RTN4RL1: variants seen among roughly 807,000 people sequenced by gnomAD.
RTN4RL1 encodes reticulon-4 receptor-like 1.
In RTN4RL1, 7 loss-of-function variants were observed where a neutral mutation model predicts 25.6. The observed-to-expected ratio is 0.27, with a 90% CI of 0.16 to 0.51. The LOEUF (loss-of-function observed/expected upper bound fraction) is 0.51. Among genes scored for constraint, RTN4RL1 ranks in the 20% least tolerant of loss-of-function variants. The pLI is 0.97. For synonymous variants in RTN4RL1, 297 were observed against 288.2 expected, an observed-to-expected ratio of 1.03 and a Z score of -0.31; for missense variants, 500 against 615.6, an observed-to-expected ratio of 0.81 and a Z score of 1.99.
chr17:1,957,308 C>G (rs1915812537), intron 1 of RTN4RL1, among the ~76,000 whole-genome samples: 1 of 152,146 alleles, frequency 6.6e-6, no homozygotes, highest in Non-Finnish European at 1.5e-5. Context: ...TCAACCCTTT[C>G]CTCTGTTTGC....
At chr17:2,020,032 T>C (rs1229605113) in intron 1 of RTN4RL1, 1 of 152,182 alleles carries the variant, frequency 6.6e-6, no homozygotes, top group Admixed American at 6.5e-5. Flanking sequence ...ATCTCTCCTC[T>C]TGACGTCTTT....
At chr17:1,973,514 T>A (rs1398890051) in intron 1 of RTN4RL1, among the ~76,000 whole-genome samples, 1 of 134,758 alleles carries the variant, frequency 7.4e-6, no homozygotes, top group Non-Finnish European at 1.6e-5. Context: ...CAAGACTCCA[T>A]GTCAAAAAAA....
intron 1 of RTN4RL1, among the ~76,000 whole-genome samples, chr17:1,990,255 A>G (rs1245115137): frequency 6.6e-6 from 1 of 152,046 alleles, no homozygotes; most frequent in African/African-American, 2.4e-5. Flanking sequence ...GCTACTTGCG[A>G]GGCTGAGAGG....
chr17:1,968,267 C>T (rs1027082767), intron 1 of RTN4RL1, among the ~76,000 whole-genome samples: 2 of 152,186 alleles, frequency 1.3e-5, no homozygotes, highest in Non-Finnish European at 2.9e-5. Context: ...CGTCCAAACC[C>T]TTTCCCTCTT....
At chr17:1,937,884 C>T (rs976988029) in intron 1 of RTN4RL1, 76 bp from the exon 2 acceptor site, 58 of 1,165,526 alleles carry the variant, frequency 5.0e-5, no homozygotes, top group African/African-American at 4.7e-4. Context: ...CGGCGCCCGC[C>T]GAGGACGCAT....
At chr17:1,980,722 G>C (rs1027574007) in intron 1 of RTN4RL1, among the ~76,000 whole-genome samples, 2 of 151,858 alleles carry the variant, frequency 1.3e-5, no homozygotes, top group East Asian at 3.9e-4. Flanking sequence ...GAGGTCAGGA[G>C]TTCAAGACCA....
intron 1 of RTN4RL1, among the ~76,000 whole-genome samples, chr17:2,016,217 C>T (rs571125828): frequency 1.4e-4 from 21 of 152,058 alleles, no homozygotes; most frequent in African/African-American, 3.9e-4. Flanking sequence ...CCCGTTTCTA[C>T]TAAAAATACA....
At position 1,961,831 on chromosome 17, in the gene RTN4RL1, C is replaced by T. The variant is rs188000450; in HGVS notation, c.14-24023G>A. On this transcript the variant is annotated intron_variant, in intron 1 of 1. Transcript: ENST00000331238. ...GGCGTGGTGGCATGTGCCTGTAATC[C>T]CAGCTACTTGGGAGGCTGTGGCAGG... Among the ~76,000 whole-genome samples the T allele has an allele frequency of 4.1e-3, 585 of 143,380 alleles. 3 individuals are homozygous for T. The highest frequency in any genetic ancestry group is 8.8e-3 in the Middle Eastern group (2 of 228). The allele number at this position is 143,380 out of a possible 152,430, so 94.1% of individuals were successfully genotyped here.
At chr17:1,955,412 C>T (rs1392774755) in intron 1 of RTN4RL1, among the ~76,000 whole-genome samples, 1 of 151,542 alleles carries the variant, frequency 6.6e-6, no homozygotes, top group Non-Finnish European at 1.5e-5. Flanking sequence ...AACAATGAGC[C>T]GGCTGTGGTG....
chr17:1,956,279 G>A (rs763261009), intron 1 of RTN4RL1, among the ~76,000 whole-genome samples: 10 of 152,118 alleles, frequency 6.6e-5, no homozygotes, highest in Admixed American at 2.0e-4. Flanking sequence ...AGATACAATC[G>A]CAGCTCCTAA....
chr17:2,024,138 C>T (rs953399685), intron 1 of RTN4RL1, among the ~76,000 whole-genome samples: 1 of 152,186 alleles, frequency 6.6e-6, no homozygotes, highest in Non-Finnish European at 1.5e-5. Context: ...CGCTCCGTAC[C>T]GGGCCGGGCT....
At chr17:1,977,133 T>G (rs2066845733) in intron 1 of RTN4RL1, among the ~76,000 whole-genome samples, 2 of 152,248 alleles carry the variant, frequency 1.3e-5, no homozygotes, top group Non-Finnish European at 2.9e-5. Flanking sequence ...GTATCCAGTT[T>G]CCTTTTAAAA....
At chr17:2,000,621 G>A (rs1363922233) in intron 1 of RTN4RL1, among the ~76,000 whole-genome samples, 1 of 152,116 alleles carries the variant, frequency 6.6e-6, no homozygotes, top group Non-Finnish European at 1.5e-5. Context: ...CCAGGTTCAA[G>A]TCATTCTCCT....
chr17:2,004,346 C>T (rs1302571512), intron 1 of RTN4RL1, among the ~76,000 whole-genome samples: 11 of 110,880 alleles, frequency 9.9e-5, no homozygotes, highest in African/African-American at 2.9e-4. Flanking sequence ...CCAGCCTGGG[C>T]AACAGAGCGA....
chr17:1,969,308 C>T (rs1317116580), intron 1 of RTN4RL1, among the ~76,000 whole-genome samples: 4 of 152,074 alleles, frequency 2.6e-5, no homozygotes, highest in Non-Finnish European at 4.4e-5. Flanking sequence ...CCACCCGCCT[C>T]GGCCTCCCAA....
intron 1 of RTN4RL1, among the ~76,000 whole-genome samples, chr17:1,986,350 C>T (rs2066887110): frequency 1.3e-5 from 2 of 152,126 alleles, no homozygotes; most frequent in South Asian, 4.2e-4. Flanking sequence ...TGCCCAAGGT[C>T]CCTGGAGTGA....
intron 1 of RTN4RL1, chr17:2,003,201 G>A (rs1187592352): frequency 6.6e-6 from 1 of 152,254 alleles, no homozygotes; most frequent in Non-Finnish European, 1.5e-5. Flanking sequence ...GTGGTGCAGA[G>A]ATGCCAAGGC....
At chr17:1,943,983 TG>T (rs1263050107) in intron 1 of RTN4RL1, among the ~76,000 whole-genome samples, 1 of 152,082 alleles carries the variant, frequency 6.6e-6, no homozygotes, top group African/African-American at 2.4e-5. Flanking sequence ...AGGAGTGCAG[TG>T]GCACAATCAT....
In RTN4RL1 at chr17:2,024,774, C is replaced by CG. The variant is rs969921107; in HGVS notation, c.13+78dup. On this transcript the variant is annotated intron_variant, in intron 1 of 1. Transcript: ENST00000331238. ...GGGCTACTTCCCAGACCGGGAGCCC[C>CG]GGCGCCGGGCGGCGCCCGGGCTCGC... The CG allele has an allele frequency of 2.1e-6, 3 of 1,444,604 alleles. No individual in the cohort carries two copies. The African/African-American group carries it at 4.4e-5, about 21-fold the overall frequency. 89.5% of individuals were successfully genotyped at this position (1,444,604 alleles called of 1,614,324 possible).
Sources: allele counts gnomAD v4.1 joint callset (sites outside exome capture counted in the v4.1 genomes callset), GRCh38; gene constraint gnomAD v4.1.1; transcripts MANE v1.5; gene names NCBI Gene and HGNC (gene_info 2026-07-23, HGNC 2026-07-21).